Variants in ZMAT4 observed in about 807,000 individuals in gnomAD.
ZMAT4 encodes the protein zinc finger matrin-type 4.
In ZMAT4, 17 loss-of-function variants were observed where a neutral mutation model predicts 28.7. The observed-to-expected ratio is 0.59, with a 90% CI of 0.41 to 0.89. ZMAT4 has a LOEUF of 0.89. Among genes scored for constraint, ZMAT4 ranks in the 40% least tolerant of loss-of-function variants. The pLI, the probability that ZMAT4 is intolerant of heterozygous loss-of-function variation, is 0.00. For synonymous variants in ZMAT4, 117 were observed against 109.2 expected (o/e 1.07, Z -0.44); for missense variants, 240 against 283.8 (o/e 0.85, Z 1.11).
intron 1 of ZMAT4, among the ~76,000 whole-genome samples, chr8:40,874,481 A>G (rs7823157): frequency 0.09 from 13,665 of 152,232 alleles, 715 homozygotes; most frequent in Admixed American, 0.13. Context: ...TACTTCCCCA[A>G]TGGAATGATC....
chr8:40,550,677 T>TG (rs1803341817), intron 6 of ZMAT4, among the ~76,000 whole-genome samples: 1 of 152,134 alleles, frequency 6.6e-6, no homozygotes, highest in Non-Finnish European at 1.5e-5. Context: ...TTCCCCTGCT[T>TG]GGGGTCACTC....
At chr8:40,876,594 C>T (rs1334041390) in intron 1 of ZMAT4, among the ~76,000 whole-genome samples, 1 of 152,182 alleles carries the variant, frequency 6.6e-6, no homozygotes, top group Non-Finnish European at 1.5e-5. Context: ...GGGTTATAGG[C>T]ATGAGCCACT....
chr8:40,545,826 A>C (rs961495813), intron 6 of ZMAT4, among the ~76,000 whole-genome samples: 1 of 152,042 alleles, frequency 6.6e-6, no homozygotes, highest in Admixed American at 6.5e-5. Context: ...CAGCCCTAGG[A>C]ATTGAGACAG....
rs549151871 is a variant in ZMAT4, at chr8:40,532,450, G to A, written c.675-212C>T. Among the ~76,000 whole-genome samples the A allele has an allele frequency of 1.7e-3, 261 of 151,848 alleles. 10 individuals are homozygous for A. The highest frequency in any genetic ancestry group is 1.5e-3 in the Non-Finnish European group (100 of 67,972). On this transcript the variant is annotated intron_variant, in intron 6 of 6. Coordinates refer to ENST00000297737, the MANE Select transcript of ZMAT4 (RefSeq NM_024645.3). ...CATTACTAATGCCATCTCCACATACGTACAAGAAAATGTATAGCTCTACAT... is the reference window on the plus strand; with the variant it reads ...CATTACTAATGCCATCTCCACATACATACAAGAAAATGTATAGCTCTACAT...
chr8:40,659,257 C>T (rs146910761), intron 5 of ZMAT4, among the ~76,000 whole-genome samples: 50 of 152,134 alleles, frequency 3.3e-4, no homozygotes, highest in Middle Eastern at 3.4e-3. Context: ...GATTATGAAA[C>T]GGAAACGAGA....
chr8:40,856,326 G>C (rs1399728014), intron 1 of ZMAT4, among the ~76,000 whole-genome samples: 2 of 152,168 alleles, frequency 1.3e-5, no homozygotes, highest in Non-Finnish European at 2.9e-5. Context: ...GTGGAATTCA[G>C]GGGTCAGCGC....
At chr8:40,533,501 C>A (rs532235081) in intron 6 of ZMAT4, among the ~76,000 whole-genome samples, 10 of 152,252 alleles carry the variant, frequency 6.6e-5, no homozygotes, top group African/African-American at 2.4e-4. Flanking sequence ...CATCTTCCTT[C>A]GCTAAGGTCC....
At chr8:40,806,529 T>C (rs898094570) in intron 2 of ZMAT4, among the ~76,000 whole-genome samples, 30 of 152,204 alleles carry the variant, frequency 2.0e-4, no homozygotes, top group African/African-American at 7.2e-4. Flanking sequence ...CATTTCGTTT[T>C]TAATTATTAA....
In ZMAT4 at chr8:40,791,831, G is replaced by A. The variant is rs78364717; in HGVS notation, c.103-24101C>T. On this transcript the variant is annotated intron_variant, in intron 2 of 6. Transcript: ENST00000297737. ...GCCCACAGACAAGGAAGCTATAGGAGGCCAGCCCTGTGCCCTGGTGTCCAC... is the reference window on the plus strand; with the variant it reads ...GCCCACAGACAAGGAAGCTATAGGAAGCCAGCCCTGTGCCCTGGTGTCCAC... Among the ~76,000 whole-genome samples, 1,442 of 152,268 alleles carry A rather than the reference G, an allele frequency of 9.5e-3. 24 individuals carry two copies. The highest frequency in any genetic ancestry group is 0.034 in the African/African-American group (1,392 of 41,552).
intron 6 of ZMAT4, among the ~76,000 whole-genome samples, chr8:40,562,455 C>T (rs994742115): frequency 6.9e-6 from 1 of 145,316 alleles, no homozygotes; most frequent in Non-Finnish European, 1.5e-5. Flanking sequence ...TGAAATTCCA[C>T]CTGCTACTTA....
intron 3 of ZMAT4, among the ~76,000 whole-genome samples, chr8:40,704,204 C>T (rs1810260996): frequency 6.6e-6 from 1 of 152,210 alleles, no homozygotes. Context: ...TATTCTGGTA[C>T]TTAACTTTGG....
At chr8:40,774,189 T>G (rs1201718899) in intron 2 of ZMAT4, among the ~76,000 whole-genome samples, 1 of 152,098 alleles carries the variant, frequency 6.6e-6, no homozygotes, top group Non-Finnish European at 1.5e-5. Flanking sequence ...CCTCACAAAT[T>G]TATTCAGAAA....
chr8:40,665,047 A>T (rs1808347825), intron 5 of ZMAT4, among the ~76,000 whole-genome samples: 1 of 152,140 alleles, frequency 6.6e-6, no homozygotes, highest in African/African-American at 2.4e-5. Flanking sequence ...ATAATTCAAA[A>T]CGTAAAGCCC....
intron 5 of ZMAT4, among the ~76,000 whole-genome samples, chr8:40,616,551 C>T (rs1284676863): frequency 6.6e-6 from 1 of 152,080 alleles, no homozygotes; most frequent in Non-Finnish European, 1.5e-5. Flanking sequence ...GAATACTATG[C>T]AGCCATAAAA....
intron 5 of ZMAT4, among the ~76,000 whole-genome samples, chr8:40,665,265 C>G (rs879895262): frequency 1.9e-5 from 2 of 107,438 alleles, no homozygotes; most frequent in Admixed American, 1.8e-4. Context: ...TAAAGCCTCT[C>G]AACCACCAGG....
At chr8:40,677,588 G>GA (rs1808964612) in intron 4 of ZMAT4, among the ~76,000 whole-genome samples, 1 of 152,240 alleles carries the variant, frequency 6.6e-6, no homozygotes, top group African/African-American at 2.4e-5. Flanking sequence ...TGGAAGCTCT[G>GA]TCCCTTCTAC....
At chr8:40,746,855 A>G (rs1812258448) in intron 3 of ZMAT4, among the ~76,000 whole-genome samples, 1 of 152,018 alleles carries the variant, frequency 6.6e-6, no homozygotes, top group Non-Finnish European at 1.5e-5. Context: ...AAACTTTCAT[A>G]ATGCTGTCCC....
At chr8:40,558,850 G>A (rs952861964) in intron 6 of ZMAT4, among the ~76,000 whole-genome samples, 1 of 152,020 alleles carries the variant, frequency 6.6e-6, no homozygotes, top group Non-Finnish European at 1.5e-5. Flanking sequence ...ACGCCCTTTT[G>A]TGTTTTAGAC....
intron 1 of ZMAT4, among the ~76,000 whole-genome samples, chr8:40,859,632 A>G (rs190882490): frequency 7.6e-4 from 116 of 152,340 alleles, no homozygotes; most frequent in Non-Finnish European, 1.5e-3. Context: ...CTACAAGTCT[A>G]TACATGTCCC....
Sources: allele counts gnomAD v4.1 joint callset (sites outside exome capture counted in the v4.1 genomes callset), GRCh38; gene constraint gnomAD v4.1.1; transcripts MANE v1.5; gene names NCBI Gene and HGNC (gene_info 2026-07-23, HGNC 2026-07-21).